The following DLG2 variants were observed in gnomAD, a reference collection of about 807,000 sequenced individuals.
DLG2 encodes discs large MAGUK scaffold protein 2.
A neutral mutation model predicts 132.5 loss-of-function variants in DLG2; 45 were observed. That is an observed-to-expected ratio of 0.34 (90% CI 0.27 to 0.44). The LOEUF (loss-of-function observed/expected upper bound fraction) is 0.44, where lower values mean the gene tolerates loss of function less well. Ranked by LOEUF, DLG2 falls within the 20% of genes least tolerant of loss-of-function variation. DLG2 has a pLI of 1.00. For synonymous variants in DLG2, 424 were observed against 419.6 expected (o/e 1.01, Z -0.13); for missense variants, 1,045 against 1,196.9 (o/e 0.87, Z 1.87).
chr11:84,867,025 A>G (rs937021965), intron 6 of DLG2, among the ~76,000 whole-genome samples: 6 of 152,262 alleles, frequency 3.9e-5, no homozygotes, highest in African/African-American at 1.4e-4. Flanking sequence ...TGAATAATAA[A>G]TAATGTCTTT....
chr11:84,923,917 A>G (rs954782631), intron 6 of DLG2, among the ~76,000 whole-genome samples: 1 of 152,084 alleles, frequency 6.6e-6, no homozygotes, highest in Non-Finnish European at 1.5e-5. Flanking sequence ...TTCCAAAACT[A>G]TGTTTTATTG....
chr11:83,829,681 T>G (rs146351668), intron 17 of DLG2, among the ~76,000 whole-genome samples: 4 of 152,328 alleles, frequency 2.6e-5, no homozygotes, highest in African/African-American at 9.6e-5. Context: ...TTCTTTTCTC[T>G]CAATGTTAAG....
intron 19 of DLG2, among the ~76,000 whole-genome samples, chr11:83,566,766 G>T (rs570986412): frequency 6.7e-6 from 1 of 148,272 alleles, no homozygotes; most frequent in East Asian, 2.0e-4. Flanking sequence ...TCCTCACAAT[G>T]CTAGAAACAT....
At chr11:83,721,112 A>G (rs1191721262) in intron 18 of DLG2, 1 of 152,144 alleles carries the variant, frequency 6.6e-6, no homozygotes, top group Non-Finnish European at 1.5e-5. Context: ...ACATGCTTTA[A>G]CCAGCTATTT....
At chr11:84,706,929 A>G (rs898088013) in intron 6 of DLG2, among the ~76,000 whole-genome samples, 1 of 151,244 alleles carries the variant, frequency 6.6e-6, no homozygotes, top group Non-Finnish European at 1.5e-5. Flanking sequence ...AGTTTTCCAG[A>G]TAGACCTCTT....
At chr11:85,125,408 GTTTTA>G (rs1438069592) in intron 5 of DLG2, among the ~76,000 whole-genome samples, 1 of 151,996 alleles carries the variant, frequency 6.6e-6, no homozygotes, top group East Asian at 1.9e-4. Context: ...ATATAATAAA[GTTTTA>G]TTTTATTTCT....
At chr11:83,824,526 T>G (rs1181798525) in intron 17 of DLG2, among the ~76,000 whole-genome samples, 2 of 152,158 alleles carry the variant, frequency 1.3e-5, no homozygotes, top group African/African-American at 4.8e-5. Flanking sequence ...GCAAGAGGTT[T>G]TCTGGAGATT....
rs554533012 is a variant in DLG2, at chr11:84,155,968, C to T, written c.624+7493G>A. 8.5e-5 allele frequency among the ~76,000 whole-genome samples: 13 copies of T among 152,126 alleles called. No homozygotes were observed. In the South Asian group the frequency reaches 2.7e-3, roughly 32 times the overall value. On this transcript the variant is annotated intron_variant, in intron 9 of 27. Coordinates refer to ENST00000376104, the MANE Select transcript of DLG2 (RefSeq NM_001142699.3). ...ACATCACTTTGGCTGCAATATTGCA[C>T]ATACATAGTATTTGGGAAAGGATGA...
At chr11:85,502,386 C>T (rs568457928) in intron 3 of DLG2, among the ~76,000 whole-genome samples, 18 of 151,342 alleles carry the variant, frequency 1.2e-4, no homozygotes, top group South Asian at 8.4e-4. Flanking sequence ...CAAAACTGCA[C>T]GTTCTGCACA....
chr11:85,195,951 A>T (rs944197713), intron 4 of DLG2, among the ~76,000 whole-genome samples: 1 of 152,204 alleles, frequency 6.6e-6, no homozygotes, highest in African/African-American at 2.4e-5. Flanking sequence ...ATGTATACTC[A>T]CTATAAAGTA....
At chr11:84,085,377 A>G (rs2096961901) in intron 10 of DLG2, among the ~76,000 whole-genome samples, 1 of 152,210 alleles carries the variant, frequency 6.6e-6, no homozygotes, top group African/African-American at 2.4e-5. Flanking sequence ...TATTAGAAAT[A>G]AATAAAAACA....
At chr11:85,429,883 A>T (rs2091044884) in intron 3 of DLG2, among the ~76,000 whole-genome samples, 1 of 152,222 alleles carries the variant, frequency 6.6e-6, no homozygotes, top group African/African-American at 2.4e-5. Context: ...ATTATAAAAC[A>T]TGCTGCTATA....
intron 6 of DLG2, among the ~76,000 whole-genome samples, chr11:84,989,107 A>C (rs1009092010): frequency 6.6e-6 from 1 of 152,248 alleles, no homozygotes; most frequent in Non-Finnish European, 1.5e-5. Context: ...TGCTCAAAAA[A>C]ATGAAATAGT....
intron 6 of DLG2, among the ~76,000 whole-genome samples, chr11:84,593,046 G>T (rs2099547685): frequency 6.7e-6 from 1 of 148,520 alleles, no homozygotes; most frequent in South Asian, 2.2e-4. Flanking sequence ...TTGAACCCAG[G>T]AGATGGAGGT....
chr11:83,549,467 T>C (rs2096329842), intron 19 of DLG2, among the ~76,000 whole-genome samples: 1 of 152,168 alleles, frequency 6.6e-6, no homozygotes, highest in Admixed American at 6.5e-5. Context: ...GCATTTCACA[T>C]AATAACTGGC....
chr11:83,587,800 G>T (rs953848807), intron 19 of DLG2, among the ~76,000 whole-genome samples: 8 of 152,082 alleles, frequency 5.3e-5, no homozygotes, highest in African/African-American at 1.9e-4. Context: ...TGCGCGAGCC[G>T]AAGCAGGGCG....
intron 3 of DLG2, among the ~76,000 whole-genome samples, chr11:85,502,477 A>C (rs2093827195): frequency 6.6e-6 from 1 of 152,106 alleles, no homozygotes; most frequent in Admixed American, 6.6e-5. Flanking sequence ...AGCCATAAAA[A>C]GAATGAGTTC....
intron 21 of DLG2, among the ~76,000 whole-genome samples, chr11:83,528,300 T>C (rs2095656783): frequency 2.6e-5 from 4 of 152,208 alleles, no homozygotes; most frequent in African/African-American, 9.6e-5. Flanking sequence ...GATTTCTTCA[T>C]GTATACTTTC....
At chr11:84,016,402 T>A (rs1417570238) in intron 11 of DLG2, among the ~76,000 whole-genome samples, 3 of 152,180 alleles carry the variant, frequency 2.0e-5, no homozygotes, top group Non-Finnish European at 1.5e-5. Context: ...ACTTTTGGTG[T>A]CTTCATCATA....
Sources: gnomAD v4.1 joint callset for allele counts (sites outside exome capture counted in the v4.1 genomes callset) on GRCh38, gnomAD v4.1.1 for gene constraint, MANE v1.5 for transcripts, NCBI Gene and HGNC (gene_info 2026-07-23, HGNC 2026-07-21) for gene names.